The following ANAPC7 variants were observed in gnomAD, a reference collection of about 807,000 sequenced individuals.
ANAPC7 encodes anaphase-promoting complex subunit 7.
ANAPC7 carries 25 observed loss-of-function variants against 63.3 expected under a neutral mutation model. That is an observed-to-expected ratio of 0.39 (90% confidence interval 0.29 to 0.55). The LOEUF (loss-of-function observed/expected upper bound fraction) is 0.55. ANAPC7 is among the 20% of genes least tolerant of loss of function. The pLI, the probability that ANAPC7 is intolerant of heterozygous loss-of-function variation, is 0.57. For synonymous variants in ANAPC7, 241 were observed against 251.7 expected, an observed-to-expected ratio of 0.96 and a Z score of 0.40; for missense variants, 516 against 691.7, an observed-to-expected ratio of 0.75 and a Z score of 2.85.
intron 3 of ANAPC7, among the ~76,000 whole-genome samples, chr12:110,392,130 A>G (rs1883156056): frequency 6.6e-6 from 1 of 151,252 alleles, no homozygotes; most frequent in Non-Finnish European, 1.5e-5. Context: ...TTCTTACAAA[A>G]GGAAGATACC....
At position 110,396,417 on chromosome 12, in the gene ANAPC7, A is replaced by G. The variant is rs377659178; in HGVS notation, c.137T>C (p.Leu46Ser). 6.2e-7 allele frequency: 1 copy of G among 1,612,806 alleles called. No individual in the cohort carries two copies. The highest frequency in any genetic ancestry group is 1.3e-5 in the African/African-American group (1 of 74,954). Residue 46 changes from leucine (L) to serine (S), a missense_variant, in exon 2 of 11, where the codon TTG becomes TCG. By Grantham distance (145) the Leu-to-Ser change is moderately radical. Around this residue, in one of 4 missense-constraint regions of ANAPC7, gnomAD observed 185 missense variants for 200.3 expected, o/e 0.92. Transcript: ENST00000455511. ...LFSPPQKYQL[L>S]VYHADSLFHD... ...AAAGAGAGAATCTGCATGATACACC[A>G]AAAGCTGGTACTTCTGAGGTGGGGA...
At chr12:110,383,875 C>CAAAAAAAAAA (rs1159374781) in intron 6 of ANAPC7, among the ~76,000 whole-genome samples, 321 of 50,630 alleles carry the variant, frequency 6.3e-3, no homozygotes, top group Middle Eastern at 0.023. Context: ...GACTCCGTCT[C>CAAAAAAAAAA]AAAAAAAAAA....
In ANAPC7 at chr12:110,374,139, C is replaced by T. The variant is rs778072382; in HGVS notation, c.*5G>A. 20 of 1,604,926 alleles carry T rather than the reference C, an allele frequency of 1.2e-5. No homozygotes were observed. Among genetic ancestry groups the T allele is most frequent in the Non-Finnish European group, 1.7e-5 (20 of 1,176,802 alleles). On this transcript the variant is annotated 3_prime_UTR_variant, in exon 11 of 11. Transcript: ENST00000455511. ...GGCCACTGCGGCCATGGAGCTGCCGCCCCCTCACTGCATGCCGAACCACTG... is the reference window on the plus strand; with the variant it reads ...GGCCACTGCGGCCATGGAGCTGCCGTCCCCTCACTGCATGCCGAACCACTG...
At chr12:110,374,452 C>G (rs1881071006) in intron 10 of ANAPC7, 119 bp from the exon 11 acceptor site, 3 of 936,628 alleles carry the variant, frequency 3.2e-6, no homozygotes, top group Non-Finnish European at 4.7e-6. Flanking sequence ...TGTGCTAAAG[C>G]CTGGCCTCTC....
In ANAPC7 at chr12:110,377,343, G is replaced by A. The variant is rs527883768; in HGVS notation, c.1357+50C>T. 26 of 1,537,946 alleles carry A rather than the reference G, an allele frequency of 1.7e-5. No individual in the cohort carries two copies. The African/African-American group carries it at 3.4e-4, about 20-fold the overall frequency. The stretch of plus-strand genomic sequence containing the variant: ...GGACAAGGGGCTCCAACTGAGGTCA[G>A]GTTTTATAAAAATTAATGATGAACA... On this transcript the variant is annotated intron_variant, in intron 9 of 10. Transcript: ENST00000455511.
intron 2 of ANAPC7, among the ~76,000 whole-genome samples, chr12:110,395,740 G>T (rs745392860): frequency 2.0e-5 from 3 of 151,958 alleles, no homozygotes; most frequent in African/African-American, 7.3e-5. Context: ...GCGTTTCACC[G>T]TGTTAGCCAG....
chr12:110,389,672 C>T (rs1882931661), intron 3 of ANAPC7, among the ~76,000 whole-genome samples: 1 of 152,158 alleles, frequency 6.6e-6, no homozygotes, highest in South Asian at 2.1e-4. Context: ...TGGCTCATGC[C>T]TGTAATCCCA....
chr12:110,395,316 T>C, intron 2 of ANAPC7, 96 bp from the exon 3 acceptor site: 1 of 1,270,606 alleles, frequency 7.9e-7, no homozygotes, highest in Non-Finnish European at 1.1e-6. Context: ...GACCCAGCAA[T>C]TCTTTTTTTT....
intron 2 of ANAPC7, 46 bp from the exon 3 acceptor site, chr12:110,395,266 A>G (rs1883472803): frequency 1.3e-6 from 2 of 1,567,212 alleles, no homozygotes. Context: ...TTCCAACAAT[A>G]TGACAGTTCT....
intron 7 of ANAPC7, 24 bp from the exon 8 acceptor site, chr12:110,381,972 A>AAAAAAAAAAAC: frequency 6.8e-7 from 1 of 1,471,986 alleles, no homozygotes; most frequent in African/African-American, 1.5e-5. Context: ...AAAAAAAAAA[A>AAAAAAAAAAAC]ACACAAAAAC....
At chr12:110,403,290 C>A (rs1222174874) in intron 1 of ANAPC7, among the ~76,000 whole-genome samples, 1 of 152,198 alleles carries the variant, frequency 6.6e-6, no homozygotes, top group Non-Finnish European at 1.5e-5. Flanking sequence ...AGAGCCTCTG[C>A]CTTCTATGTC....
Position 110,396,198 on chromosome 12 carries a change from C to T in ANAPC7, c.288+68G>A. On this transcript the variant is annotated intron_variant, in intron 2 of 10. Transcript: ENST00000455511. ...AGACCAGGCACTGGGGCCTGGGGACCCTGTTCTAAATTCTTGGAGTCTTTC... is the reference window on the plus strand; with the variant it reads ...AGACCAGGCACTGGGGCCTGGGGACTCTGTTCTAAATTCTTGGAGTCTTTC... The T allele has an allele frequency of 2.1e-6, 3 of 1,446,200 alleles. No individual in the cohort carries two copies. The South Asian group carries it at 3.7e-5, about 18-fold the overall frequency. The allele number at this position is 1,446,200 out of a possible 1,614,324, so 89.6% of individuals were successfully genotyped here. A position where few individuals can be genotyped will look rare whatever the true frequency, so the allele number is the denominator to read the frequency against.
At chr12:110,397,771 T>C (rs1402528640) in intron 1 of ANAPC7, among the ~76,000 whole-genome samples, 1 of 151,574 alleles carries the variant, frequency 6.6e-6, no homozygotes, top group African/African-American at 2.4e-5. Flanking sequence ...GGCGCATGCC[T>C]GTAATCCCAC....
intron 7 of ANAPC7, among the ~76,000 whole-genome samples, chr12:110,382,499 T>TAGAG (rs1321400331): frequency 6.6e-5 from 9 of 136,514 alleles, no homozygotes; most frequent in African/African-American, 2.5e-4. Context: ...TATATATTTA[T>TAGAG]AGAGACAGGG....
Position 110,396,387 on chromosome 12 carries a change from T to C in ANAPC7, c.167A>G (p.Asp56Gly), listed in dbSNP as rs777960162. The C allele has an allele frequency of 1.2e-6, 2 of 1,613,880 alleles. No individual in the cohort carries two copies. Among genetic ancestry groups the C allele is most frequent in the Non-Finnish European group, 1.7e-6 (2 of 1,179,962 alleles). ...ACTCACAGCATTCCGATATTCCTTA[T>C]CATGAAAGAGAGAATCTGCATGATA... is the stretch of plus-strand genomic sequence containing the variant. ...LVYHADSLFH[D>G]KEYRNAVSKY... Residue 56 changes from aspartate (D) to glycine (G), a missense_variant, in exon 2 of 11, where the codon GAT becomes GGT. This residue lies in a region of ANAPC7 where 185 missense variants were observed against 200.3 expected (regional missense o/e 0.92). Coordinates refer to ENST00000455511, the MANE Select transcript of ANAPC7 (RefSeq NM_016238.3).
intron 8 of ANAPC7, among the ~76,000 whole-genome samples, chr12:110,378,364 G>A (rs1592894882): frequency 6.6e-6 from 1 of 152,216 alleles, no homozygotes; most frequent in Non-Finnish European, 1.5e-5. Context: ...AAAGTATTAG[G>A]ATTACAGGCG....
chr12:110,381,690 C>G, intron 8 of ANAPC7, 62 bp downstream of exon 8: 1 of 1,527,452 alleles, frequency 6.5e-7, no homozygotes, highest in Non-Finnish European at 8.9e-7. Flanking sequence ...ATGAAACCTT[C>G]CATCTGAGGG....
chr12:110,387,239 C>CAGAG (rs1566268639), intron 5 of ANAPC7: 2 of 35,236 alleles, frequency 5.7e-5, no homozygotes, highest in Non-Finnish European at 1.2e-4. Context: ...GAGAGAGAGA[C>CAGAG]AGAGAGACAG....
chr12:110,381,917 G>A lies in ANAPC7; in HGVS notation c.967C>T (p.Arg323Trp). The change falls in exon 8 of 11, where the codon CGG (arginine) becomes TGG (tryptophan). Residue 323 changes from arginine (R) to tryptophan (W), a missense_variant. By Grantham distance (101) the Arg-to-Trp change is moderately radical. Around this residue, in one of 4 missense-constraint regions of ANAPC7, gnomAD observed 199 missense variants for 249.3 expected, o/e 0.80. Coordinates refer to ENST00000455511, the MANE Select transcript of ANAPC7 (RefSeq NM_016238.3). ...CHSFYSKRYS[R>W]ALYLGAKAIQ... The stretch of plus-strand genomic sequence containing the variant: ...GCCTTGGCTCCTAAATAGAGGGCCC[G>A]GGAGTAGCGTTTGCTATAGAAGCTG... The A allele has an allele frequency of 1.3e-6, 2 of 1,597,156 alleles. No individual in the cohort carries two copies. Among genetic ancestry groups the A allele is most frequent in the South Asian group, 1.1e-5 (1 of 89,958 alleles).
Sources: gnomAD v4.1 joint callset for allele counts (sites outside exome capture counted in the v4.1 genomes callset) on GRCh38, gnomAD v4.1.1 for gene constraint, gnomAD v4.1.1 regional missense constraint, MANE v1.5 for transcripts, NCBI Gene and HGNC (gene_info 2026-07-23, HGNC 2026-07-21) for gene names.